SYT2: variants seen among roughly 807,000 people sequenced by gnomAD.
SYT2 encodes the protein synaptotagmin 2.
A neutral mutation model predicts 39.9 loss-of-function variants in SYT2; 15 were observed. The ratio of observed to expected loss-of-function variants is 0.38; its 90% CI spans 0.25 to 0.58. The LOEUF is 0.58. SYT2 is among the 20% of genes least tolerant of loss of function. The pLI is 0.70. For synonymous variants in SYT2, 181 were observed against 204.5 expected, an observed-to-expected ratio of 0.89 and a Z score of 0.98; for missense variants, 389 against 530.3, an observed-to-expected ratio of 0.73 and a Z score of 2.62.
chr1:202,627,338 T>C, intron 1 of SYT2: 1 of 552,340 alleles, frequency 1.8e-6, no homozygotes, highest in African/African-American at 2.0e-5. Context: ...CTGAGCCTGA[T>C]AGCAGGAAAT....
At chr1:202,706,463 G>A (rs1425250597) in intron 1 of SYT2, among the ~76,000 whole-genome samples, 1 of 152,084 alleles carries the variant, frequency 6.6e-6, no homozygotes, top group Non-Finnish European at 1.5e-5. Flanking sequence ...ACGCTTTACA[G>A]GAATTAACCC....
intron 1 of SYT2, among the ~76,000 whole-genome samples, chr1:202,693,948 T>A (rs769082307): frequency 5.1e-4 from 78 of 152,176 alleles, no homozygotes; most frequent in Admixed American, 8.5e-4. Context: ...AGCAGGCACA[T>A]CACATGGCAA....
intron 1 of SYT2, chr1:202,627,621 C>T (rs190549920): frequency 3.6e-5 from 35 of 985,254 alleles, no homozygotes; most frequent in African/African-American, 1.6e-4. Context: ...GAGAGTAATG[C>T]GCAAAGGAAG....
chr1:202,676,986 G>C (rs1163136543), intron 1 of SYT2, among the ~76,000 whole-genome samples: 1 of 152,158 alleles, frequency 6.6e-6, no homozygotes, highest in Admixed American at 6.5e-5. Context: ...GTTTGAAAGA[G>C]TGTAGCACTT....
chr1:202,662,724 T>A (rs537039247), intron 1 of SYT2, among the ~76,000 whole-genome samples: 1 of 152,322 alleles, frequency 6.6e-6, no homozygotes, highest in African/African-American at 2.4e-5. Flanking sequence ...CCTGGTCCCA[T>A]CGTTAGCTAA....
In SYT2 at chr1:202,640,582, G is replaced by A. The variant is rs114992936; in HGVS notation, c.-17-34793C>T. 3.3e-3 allele frequency among the ~76,000 whole-genome samples: 495 copies of A among 152,236 alleles called. 2 individuals are homozygous for A. The highest frequency in any genetic ancestry group is 0.011 in the African/African-American group (471 of 41,512). On this transcript the variant is annotated intron_variant, in intron 1 of 8. Transcript: ENST00000367268. ...TTGGTCCATTCCTAGAAGGTTTGGG[G>A]AATGGAGTAAAAGGCCCATTTTTTC...
At position 202,596,300 on chromosome 1, in the gene SYT2, CACACACAT is replaced by C. The variant is rs879162027; in HGVS notation, c.*449_*456del. 0.24 allele frequency: 16,375 copies of C among 68,234 alleles called. 1,679 individuals are homozygous for C. Among genetic ancestry groups the C allele is most frequent in the East Asian group, 0.4 (1,366 of 3,378 alleles). 4.2% of individuals were successfully genotyped at this position (68,234 alleles called of 1,614,324 possible). A position where few individuals can be genotyped will look rare whatever the true frequency, so the allele number is the denominator to read the frequency against. On this transcript the variant is annotated 3_prime_UTR_variant, in exon 9 of 9. Transcript: ENST00000367268. ...ACACACACACACACACACACACACA[CACACACAT>C]ACACACACACACACACACACACACA...
At chr1:202,651,818 T>C (rs1692200075) in intron 1 of SYT2, among the ~76,000 whole-genome samples, 1 of 152,158 alleles carries the variant, frequency 6.6e-6, no homozygotes, top group Non-Finnish European at 1.5e-5. Context: ...CCCAGCACCT[T>C]GGGAGGCTGA....
At chr1:202,676,658 C>T (rs1653381513) in intron 1 of SYT2, among the ~76,000 whole-genome samples, 1 of 152,208 alleles carries the variant, frequency 6.6e-6, no homozygotes, top group Admixed American at 6.5e-5. Flanking sequence ...ACACTGAAAT[C>T]AAATTCATGA....
chr1:202,692,229 C>T (rs150164797), intron 1 of SYT2, among the ~76,000 whole-genome samples: 7 of 152,172 alleles, frequency 4.6e-5, no homozygotes, highest in African/African-American at 7.2e-5. Flanking sequence ...ATGTAGCTTG[C>T]TCCCCTCCAG....
intron 1 of SYT2, among the ~76,000 whole-genome samples, chr1:202,686,896 A>G (rs1368749449): frequency 6.6e-6 from 1 of 151,994 alleles, no homozygotes; most frequent in Non-Finnish European, 1.5e-5. Flanking sequence ...GTGCATCTGG[A>G]AAATGCCTAC....
chr1:202,602,923 T>A, intron 4 of SYT2, 76 bp downstream of exon 4: 1 of 1,555,088 alleles, frequency 6.4e-7, no homozygotes, highest in Non-Finnish European at 8.8e-7. Flanking sequence ...CTGAGGGAGC[T>A]GTTTCTATCC....
chr1:202,655,207 G>A (rs1321822337), intron 1 of SYT2, among the ~76,000 whole-genome samples: 1 of 152,152 alleles, frequency 6.6e-6, no homozygotes, highest in African/African-American at 2.4e-5. Context: ...ACATTTGTGA[G>A]TTATCTGCTT....
rs56979202 is a variant in SYT2 at position 202,640,734 on chromosome 1, C to CAGAGAGAG, written c.-17-34953_-17-34946dup. On this transcript the variant is annotated intron_variant, in intron 1 of 8. Transcript: ENST00000367268. ...TCTACTGCAGAATGGTCCTAATGGT[C>CAGAGAGAG]AGAGAGAGAGAGAGAGAGAGAGAGA... is the stretch of plus-strand genomic sequence containing the variant. 6.2e-4 allele frequency among the ~76,000 whole-genome samples: 56 copies of CAGAGAGAG among 90,728 alleles called. 1 individual carries two copies. The highest frequency in any genetic ancestry group is 8.9e-4 in the South Asian group (2 of 2,238). 59.5% of individuals were successfully genotyped at this position (90,728 alleles called of 152,430 possible). A position where few individuals can be genotyped will look rare whatever the true frequency, so the allele number is the denominator to read the frequency against.
chr1:202,686,666 G>T (rs1362672689), intron 1 of SYT2, among the ~76,000 whole-genome samples: 1 of 152,096 alleles, frequency 6.6e-6, no homozygotes, highest in Non-Finnish European at 1.5e-5. Context: ...CTACTGCTCT[G>T]ACCAGTTCCC....
Position 202,702,983 on chromosome 1 carries a change from C to T in SYT2, c.-18+7275G>A, listed in dbSNP as rs371208192. Among the ~76,000 whole-genome samples, 126 of 152,304 alleles carry T rather than the reference C, an allele frequency of 8.3e-4. 1 individual carries two copies. In the East Asian group the frequency reaches 0.014, roughly 17 times the overall value. The stretch of plus-strand genomic sequence containing the variant: ...TGTAGCAGAAGCAGAGAAGGCCCCG[C>T]TCCAGAAAATGCTTCCTTTCTACAA... On this transcript the variant is annotated intron_variant, in intron 1 of 8. Transcript: ENST00000367268.
At chr1:202,693,592 G>A (rs745357109) in intron 1 of SYT2, among the ~76,000 whole-genome samples, 4 of 152,110 alleles carry the variant, frequency 2.6e-5, no homozygotes, top group African/African-American at 4.8e-5. Context: ...GATTTGGGGC[G>A]ATTTAGATAG....
At chr1:202,698,683 C>T (rs1654035834) in intron 1 of SYT2, among the ~76,000 whole-genome samples, 1 of 152,146 alleles carries the variant, frequency 6.6e-6, no homozygotes, top group South Asian at 2.1e-4. Context: ...GACCCCCAGA[C>T]TCACCAGGCA....
rs1553333838 is a variant in SYT2, at chr1:202,596,298, C to CACACACATAT, written c.*458_*459insATATGTGTGT. The stretch of plus-strand genomic sequence containing the variant: ...ACACACACACACACACACACACACA[C>CACACACATAT]ACACACACATACACACACACACACA... On this transcript the variant is annotated 3_prime_UTR_variant, in exon 9 of 9. Transcript: ENST00000367268. 1.3e-5 allele frequency: 1 copy of CACACACATAT among 79,902 alleles called. No homozygotes were observed. Among genetic ancestry groups the CACACACATAT allele is most frequent in the Non-Finnish European group, 2.6e-5 (1 of 38,994 alleles). 4.9% of individuals were successfully genotyped at this position (79,902 alleles called of 1,614,324 possible).
Sources: allele counts gnomAD v4.1 joint callset (sites outside exome capture counted in the v4.1 genomes callset), GRCh38; gene constraint gnomAD v4.1.1; transcripts MANE v1.5; gene names NCBI Gene and HGNC (gene_info 2026-07-23, HGNC 2026-07-21).